Variants in SCG2 observed in about 807,000 individuals in gnomAD.
SCG2 encodes the protein secretogranin II, also known as secretogranin-2.
In SCG2, 23 loss-of-function variants were observed where a neutral mutation model predicts 49.5. That is an observed-to-expected ratio of 0.46 (90% CI 0.33 to 0.66). SCG2 has a LOEUF of 0.66. Among genes scored for constraint, SCG2 ranks in the 30% least tolerant of loss-of-function variants. The pLI is 0.01. For missense variants in SCG2, 730 were observed against 728.2 expected, an observed-to-expected ratio of 1.00 and a Z score of -0.03; for synonymous variants, 288 against 260.4, an observed-to-expected ratio of 1.11 and a Z score of -1.02.
chr2:223,600,014 A>G (rs987541030), intron 1 of SCG2, among the ~76,000 whole-genome samples: 2 of 152,212 alleles, frequency 1.3e-5, no homozygotes, highest in Non-Finnish European at 2.9e-5. Context: ...CCAGTAGACT[A>G]AACCAATGAA....
rs1691354066 is a variant in SCG2, at chr2:223,599,288, A to C, written c.-6T>G. 6.4e-7 allele frequency: 1 copy of C among 1,555,358 alleles called. No homozygotes were observed. Among genetic ancestry groups the C allele is most frequent in the African/African-American group, 1.4e-5 (1 of 72,554 alleles). On this transcript the variant is annotated 5_prime_UTR_variant, in exon 2 of 2. Transcript: ENST00000305409. The stretch of plus-strand genomic sequence containing the variant: ...TGGGTCTTTGCTTCAGCCATGTTTG[A>C]AAGATTTCCTTAAAACATAAAAAAT...
At position 223,598,473 on chromosome 2, in the gene SCG2, C is replaced by A. The variant is rs144520828; in HGVS notation, c.810G>T (p.Glu270Asp). 2.3e-5 allele frequency: 37 copies of A among 1,613,894 alleles called. No individual in the cohort carries two copies. The African/African-American group carries it at 4.7e-4, about 20-fold the overall frequency. ...QTQEEVRDSKENIEKNEQIND... is the reference protein window; with the variant it reads ...QTQEEVRDSKDNIEKNEQIND... ...TGATTTGTTCATTTTTTTCTATATTCTCTTTGCTGTCTCTCACCTCTTCCT... is the reference window on the plus strand; with the variant it reads ...TGATTTGTTCATTTTTTTCTATATTATCTTTGCTGTCTCTCACCTCTTCCT... Residue 270 changes from glutamate (E) to aspartate (D), a missense_variant, in exon 2 of 2, where the codon GAG becomes GAT. Physicochemically the swap from Glu to Asp is conservative, Grantham distance 45. Coordinates refer to ENST00000305409, the MANE Select transcript of SCG2 (RefSeq NM_003469.5).
rs2106113527 is a variant in SCG2 at position 223,597,433 on chromosome 2, A to G, written c.1850T>C (p.Met617Thr). 1.3e-6 allele frequency: 2 copies of G among 1,590,276 alleles called. No individual in the cohort carries two copies. ...AGGGTAATTAATGAAAGCAGCTTAC[A>G]TATTTTCCATTGCTCTCTTAGCAAT... ...EHIAKRAMENM is the reference protein window; with the variant it reads ...EHIAKRAMENT The change falls in exon 2 of 2, where the codon ATG (methionine) becomes ACG (threonine). Residue 617 changes from methionine to threonine, a missense_variant. Physicochemically the swap from Met to Thr is moderately conservative, Grantham distance 81 (BLOSUM62 -1). Coordinates refer to ENST00000305409, the MANE Select transcript of SCG2 (RefSeq NM_003469.5).
rs748567819 is a variant in SCG2, at chr2:223,598,875, G to A, written c.408C>T (p.Ala136=). The A allele has an allele frequency of 1.9e-6, 3 of 1,614,026 alleles. No individual in the cohort carries two copies. The highest frequency in any genetic ancestry group is 1.7e-6 in the Non-Finnish European group (2 of 1,180,038). ...TTGGAAAGTTCTTTTCTGAATTCAA[G>A]GCATAGGGCTTATTTTCTTTTGGTG... The part of the protein sequence containing the change: ...QSAPKENKPY[A]LNSEKNFPMD... Residue 136 remains alanine (A), a synonymous_variant, in exon 2 of 2, where the codon GCC becomes GCT. Coordinates refer to ENST00000305409, the MANE Select transcript of SCG2 (RefSeq NM_003469.5).
rs200759541 is a variant in SCG2, at chr2:223,599,045, G to T, written c.238C>A (p.Pro80Thr). Reference sequence around the variant, plus strand: ...AGGGGGACAGAGACACCTTGGTAGGGATTATAATCTGGGCTGCTTTCTTCC... The same window carrying T: ...AGGGGGACAGAGACACCTTGGTAGGTATTATAATCTGGGCTGCTTTCTTCC... ...HKEESSPDYN[P>T]YQGVSVPLQQ... The change falls in exon 2 of 2, where the codon CCC becomes ACC. Residue 80 changes from proline (P) to threonine (T), a missense_variant. Coordinates refer to ENST00000305409, the MANE Select transcript of SCG2 (RefSeq NM_003469.5). 3.0e-5 allele frequency: 49 copies of T among 1,614,046 alleles called. No homozygotes were observed. The highest frequency in any genetic ancestry group is 1.8e-5 in the Non-Finnish European group (21 of 1,180,036).
rs779932375 is a variant in SCG2 at position 223,598,846 on chromosome 2, T to C, written c.437A>G (p.Asp146Gly). 6.8e-6 allele frequency: 11 copies of C among 1,614,208 alleles called. No homozygotes were observed. The South Asian group carries it at 9.9e-5, about 15-fold the overall frequency. The change falls in exon 2 of 2, where the codon GAC (aspartate) becomes GGC (glycine). Residue 146 changes from aspartate to glycine, a missense_variant. Asp to Gly is a moderately conservative substitution (Grantham distance 94, BLOSUM62 -1). Coordinates refer to ENST00000305409, the MANE Select transcript of SCG2 (RefSeq NM_003469.5). Reference sequence around the variant, plus strand: ...CTGTGTCTCATAATCATCACTCATGTCCATTGGAAAGTTCTTTTCTGAATT... The same window carrying C: ...CTGTGTCTCATAATCATCACTCATGCCCATTGGAAAGTTCTTTTCTGAATT... ...ALNSEKNFPM[D>G]MSDDYETQQW...
chr2:223,599,780 T>C (rs1036913215), intron 1 of SCG2, among the ~76,000 whole-genome samples: 1 of 152,216 alleles, frequency 6.6e-6, no homozygotes, highest in African/African-American at 2.4e-5. Context: ...TCAAAAAACA[T>C]GTGGTTTATT....
intron 1 of SCG2, among the ~76,000 whole-genome samples, chr2:223,600,053 A>G (rs570103944): frequency 2.5e-4 from 38 of 152,344 alleles, no homozygotes; most frequent in African/African-American, 8.9e-4. Context: ...GTGCTAAACC[A>G]ATAAAGTGTT....
Position 223,597,535 on chromosome 2 carries a change from T to C in SCG2, c.1748A>G (p.Gln583Arg). 1 of 1,614,198 alleles carries C rather than the reference T, an allele frequency of 6.2e-7. No homozygotes were observed. ...CATTAACAGATCTTCATCCCAGTAC[T>C]GCCTATTTGGGGTATCATCATTCTT... ...PPKNDDTPNR[Q>R]YWDEDLLMKV... Residue 583 changes from glutamine (Q) to arginine (R), a missense_variant, in exon 2 of 2, where the codon CAG becomes CGG. By Grantham distance (43) the Gln-to-Arg change is conservative. Coordinates refer to ENST00000305409, the MANE Select transcript of SCG2 (RefSeq NM_003469.5).
At chr2:223,602,012 C>T (rs1202050307) in intron 1 of SCG2, 1 of 152,140 alleles carries the variant, frequency 6.6e-6, no homozygotes, top group African/African-American at 2.4e-5. Flanking sequence ...TGTATTGACA[C>T]TAAAATCCTT....
In SCG2 at chr2:223,598,682, C is replaced by G. The variant is rs1200039534; in HGVS notation, c.601G>C (p.Val201Leu). 1 of 1,614,038 alleles carries G rather than the reference C, an allele frequency of 6.2e-7. No homozygotes were observed. The highest frequency in any genetic ancestry group is 1.3e-5 in the African/African-American group (1 of 75,054). The change falls in exon 2 of 2, where the codon GTC becomes CTC. Residue 201 changes from valine to leucine, a missense_variant. Transcript: ENST00000305409. ...GTCAGTTTCCCCAGCTCTTGGAAGA[C>G]AGATTCCAATGTAGCAAGGCTTTGA... The part of the protein sequence containing the change: ...TPQSLATLES[V>L]FQELGKLTGP...
At position 223,599,313 on chromosome 2, in the gene SCG2, T is replaced by C. The variant is rs751744720; in HGVS notation, c.-14-17A>G. 1 of 1,530,834 alleles carries C rather than the reference T, an allele frequency of 6.5e-7. No homozygotes were observed. The highest frequency in any genetic ancestry group is 8.8e-7 in the Non-Finnish European group (1 of 1,138,440). The allele number at this position is 1,530,834 out of a possible 1,614,324, so 94.8% of individuals were successfully genotyped here. ...AAAGATTTCCTTAAAACATAAAAAATATGAGTTACACAAATGAAACAAACT... is the reference window on the plus strand; with the variant it reads ...AAAGATTTCCTTAAAACATAAAAAACATGAGTTACACAAATGAAACAAACT... On this transcript the variant is annotated splice_polypyrimidine_tract_variant and intron_variant, in intron 1 of 1. Coordinates refer to ENST00000305409, the MANE Select transcript of SCG2 (RefSeq NM_003469.5).
rs1691320842 is a variant in SCG2, at chr2:223,597,732, C to T, written c.1551G>A (p.Glu517=). 6.2e-7 allele frequency: 1 copy of T among 1,613,994 alleles called. No individual in the cohort carries two copies. The highest frequency in any genetic ancestry group is 8.5e-7 in the Non-Finnish European group (1 of 1,180,024). The part of the protein sequence containing the change: ...YLARMLVKYP[E]IINSNQVKRV... ...GCTTCACTTGGTTTGAATTAATGAT[C>T]TCAGGGTATTTAACTAGCATCCTGG... Residue 517 remains glutamate (E), a synonymous_variant, in exon 2 of 2, where the codon GAG becomes GAA. Transcript: ENST00000305409.
rs1691344920 is a variant in SCG2, at chr2:223,598,816, C to A, written c.467G>T (p.Trp156Leu). 22 of 1,614,008 alleles carry A rather than the reference C, an allele frequency of 1.4e-5. No homozygotes were observed. Among genetic ancestry groups the A allele is most frequent in the Non-Finnish European group, 1.8e-5 (21 of 1,180,050 alleles). The change falls in exon 2 of 2, where the codon TGG becomes TTG. Residue 156 changes from tryptophan to leucine, a missense_variant. Physicochemically the swap from Trp to Leu is moderately conservative, Grantham distance 61. Coordinates refer to ENST00000305409, the MANE Select transcript of SCG2 (RefSeq NM_003469.5). The part of the protein sequence containing the change: ...DMSDDYETQQ[W>L]PERKLKHMQF... Reference sequence around the variant, plus strand: ...CATGTGCTTAAGCTTTCTTTCTGGCCACTGCTGTGTCTCATAATCATCACT... The same window carrying A: ...CATGTGCTTAAGCTTTCTTTCTGGCAACTGCTGTGTCTCATAATCATCACT...
At chr2:223,600,043 G>A (rs116776184) in intron 1 of SCG2, among the ~76,000 whole-genome samples, 197 of 152,210 alleles carry the variant, frequency 1.3e-3, no homozygotes, top group Middle Eastern at 6.8e-3. Flanking sequence ...TTGTGTGAAC[G>A]TGCTAAACCA....
rs755719494 is a variant in SCG2, at chr2:223,597,552, A to G, written c.1731T>C (p.Asp577=). Residue 577 remains aspartate, a synonymous_variant, in exon 2 of 2, where the codon GAT becomes GAC. Transcript: ENST00000305409. ...KRFPVGPPKN[D]DTPNRQYWDE... is the part of the protein sequence containing the mutation. Reference sequence around the variant, plus strand: ...CCCAGTACTGCCTATTTGGGGTATCATCATTCTTCGGGGGCCCCACAGGGA... The same window carrying G: ...CCCAGTACTGCCTATTTGGGGTATCGTCATTCTTCGGGGGCCCCACAGGGA... The G allele has an allele frequency of 1.2e-6, 2 of 1,614,160 alleles. No homozygotes were observed. The highest frequency in any genetic ancestry group is 3.3e-5 in the Admixed American group (2 of 60,022).
At position 223,597,856 on chromosome 2, in the gene SCG2, T is replaced by C; in HGVS notation, c.1427A>G (p.Asn476Ser). The C allele has an allele frequency of 6.2e-7, 1 of 1,614,210 alleles. No individual in the cohort carries two copies. ...AATCCAGGCAGCTTTGGGAAGCTGG[T>C]TCGATCTAGATCTTCCAGCACCATA... ...LPYGAGRSRSNQLPKAAWIPH... is the reference protein window; with the variant it reads ...LPYGAGRSRSSQLPKAAWIPH... The change falls in exon 2 of 2, where the codon AAC (asparagine) becomes AGC (serine). Residue 476 changes from asparagine to serine, a missense_variant. By Grantham distance (46) the Asn-to-Ser change is conservative. Coordinates refer to ENST00000305409, the MANE Select transcript of SCG2 (RefSeq NM_003469.5).
chr2:223,599,914 A>G (rs1454235294), intron 1 of SCG2, among the ~76,000 whole-genome samples: 1 of 152,162 alleles, frequency 6.6e-6, no homozygotes, highest in Admixed American at 6.5e-5. Context: ...CTATCCAGAT[A>G]TATTTTTCAG....
At position 223,598,758 on chromosome 2, in the gene SCG2, C is replaced by T; in HGVS notation, c.525G>A (p.Arg175=). ...CATTTGTGCGTTTAAAGGGGTTATC[C>T]CTGGAATTCTCTTCATACATAGGAG... ...QFPPMYEENS[R]DNPFKRTNEI... Residue 175 remains arginine, a synonymous_variant, in exon 2 of 2, where the codon AGG becomes AGA. Coordinates refer to ENST00000305409, the MANE Select transcript of SCG2 (RefSeq NM_003469.5). 6.2e-7 allele frequency: 1 copy of T among 1,613,886 alleles called. No homozygotes were observed. Among genetic ancestry groups the T allele is most frequent in the Middle Eastern group, 1.6e-4 (1 of 6,062 alleles).
Sources: gnomAD v4.1 joint callset for allele counts (sites outside exome capture counted in the v4.1 genomes callset) on GRCh38, gnomAD v4.1.1 for gene constraint, MANE v1.5 for transcripts, NCBI Gene and HGNC (gene_info 2026-07-23, HGNC 2026-07-21) for gene names.